The following TENM3 variants were observed in gnomAD, a reference collection of about 807,000 sequenced individuals.
TENM3 encodes the protein teneurin transmembrane protein 3, also known as teneurin-3.
In TENM3, 63 loss-of-function variants were observed where a neutral mutation model predicts 255.1. The ratio of observed to expected loss-of-function variants is 0.25; its 90% CI spans 0.20 to 0.30. The LOEUF is 0.30. Among genes scored for constraint, TENM3 ranks in the 10% least tolerant of loss-of-function variants. TENM3 has a pLI of 1.00. For missense variants in TENM3, 2,929 were observed against 3,461.1 expected, an observed-to-expected ratio of 0.85 and a Z score of 3.86; for synonymous variants, 1,306 against 1,322.3, an observed-to-expected ratio of 0.99 and a Z score of 0.27.
chr4:182,590,925 C>G (rs1746582372), intron 3 of TENM3, among the ~76,000 whole-genome samples: 1 of 152,046 alleles, frequency 6.6e-6, no homozygotes, highest in African/African-American at 2.4e-5. Context: ...GAAAGCTATG[C>G]CAGCTTACCT....
chr4:182,112,127 C>T, the TENM3 span, among the ~76,000 whole-genome samples: 1 of 152,114 alleles, frequency 6.6e-6, no homozygotes, highest in African/African-American at 2.4e-5. Flanking sequence ...TGTACTCCAG[C>T]CTGGGTGACA....
At chr4:181,711,731 C>A in the TENM3 span, among the ~76,000 whole-genome samples, 1 of 152,170 alleles carries the variant, frequency 6.6e-6, no homozygotes, top group Non-Finnish European at 1.5e-5. Flanking sequence ...TTTGTGAGCA[C>A]AGACCTTGAA....
At chr4:182,400,761 T>C (rs1045796113) in intron 3 of TENM3, among the ~76,000 whole-genome samples, 1 of 152,220 alleles carries the variant, frequency 6.6e-6, no homozygotes, top group African/African-American at 2.4e-5. Flanking sequence ...TTATTCTCAC[T>C]AGTGTTATTT....
chr4:182,587,945 G>T (rs1746212592), intron 3 of TENM3, among the ~76,000 whole-genome samples: 1 of 151,924 alleles, frequency 6.6e-6, no homozygotes, highest in Non-Finnish European at 1.5e-5. Context: ...GTATGGTAGG[G>T]TATTTTATGA....
chr4:182,261,600 CAAT>C (rs1177891338), intron 1 of TENM3, among the ~76,000 whole-genome samples: 5 of 152,150 alleles, frequency 3.3e-5, no homozygotes, highest in African/African-American at 1.2e-4. Flanking sequence ...ATAAGAAAAG[CAAT>C]AGAATACAAT....
chr4:182,052,879 C>T, the TENM3 span, among the ~76,000 whole-genome samples: 2 of 152,090 alleles, frequency 1.3e-5, no homozygotes, highest in African/African-American at 4.8e-5. Flanking sequence ...TAAAAGGTGT[C>T]CTAAAAATCT....
intron 4 of TENM3, among the ~76,000 whole-genome samples, chr4:182,606,913 T>C (rs1312894699): frequency 6.6e-6 from 1 of 152,202 alleles, no homozygotes; most frequent in African/African-American, 2.4e-5. Flanking sequence ...CTGGTGGATA[T>C]AGTAGGGATA....
chr4:182,009,307 T>G, the TENM3 span, among the ~76,000 whole-genome samples: 1 of 152,142 alleles, frequency 6.6e-6, no homozygotes. Flanking sequence ...TTATCAAGGC[T>G]GCCCAGATTC....
At chr4:182,483,885 G>A (rs1288941723) in intron 3 of TENM3, among the ~76,000 whole-genome samples, 7 of 151,958 alleles carry the variant, frequency 4.6e-5, no homozygotes, top group Non-Finnish European at 8.8e-5. Flanking sequence ...ACCAGATCTC[G>A]CGAGAACTCA....
chr4:181,697,479 C>T, the TENM3 span, among the ~76,000 whole-genome samples: 5 of 152,098 alleles, frequency 3.3e-5, no homozygotes, highest in Non-Finnish European at 5.9e-5. Flanking sequence ...CTGCAACCTC[C>T]GCCTCTCAGG....
intron 1 of TENM3, among the ~76,000 whole-genome samples, chr4:182,154,586 T>C (rs190212919): frequency 1.3e-5 from 2 of 152,328 alleles, no homozygotes; most frequent in East Asian, 3.9e-4. Flanking sequence ...TGAAGAATGC[T>C]TTTCCATTTA....
the TENM3 span, among the ~76,000 whole-genome samples, chr4:182,016,449 C>T: frequency 1.3e-5 from 2 of 152,338 alleles, no homozygotes; most frequent in Middle Eastern, 6.8e-3. Flanking sequence ...TTTGCAACTG[C>T]TTTGAACCTA....
chr4:182,097,812 A>G, the TENM3 span, among the ~76,000 whole-genome samples: 1 of 152,260 alleles, frequency 6.6e-6, no homozygotes, highest in East Asian at 1.9e-4. Flanking sequence ...TCCGGCACCA[A>G]CTCATTGAAT....
chr4:182,538,579 G>A (rs1377702310), intron 3 of TENM3, among the ~76,000 whole-genome samples: 1 of 152,174 alleles, frequency 6.6e-6, no homozygotes, highest in Non-Finnish European at 1.5e-5. Context: ...TTAAGGACTT[G>A]GATCTTTGGC....
chr4:181,683,141 A>T, the TENM3 span, among the ~76,000 whole-genome samples: 1 of 152,162 alleles, frequency 6.6e-6, no homozygotes, highest in Admixed American at 6.5e-5. Context: ...ACATTGGAGA[A>T]TTAATAACAA....
the TENM3 span, among the ~76,000 whole-genome samples, chr4:181,526,339 C>T: frequency 6.6e-6 from 1 of 151,700 alleles, no homozygotes; most frequent in African/African-American, 2.4e-5. Flanking sequence ...TAAAATCTAC[C>T]AGCTTTGTAT....
At position 182,703,100 on chromosome 4, in the gene TENM3, T is replaced by A. The variant is rs561825752; in HGVS notation, c.2222-10987T>A. Among the ~76,000 whole-genome samples, 94 of 152,346 alleles carry A rather than the reference T, an allele frequency of 6.2e-4. 1 individual carries two copies. The highest frequency in any genetic ancestry group is 2.1e-3 in the African/African-American group (88 of 41,584). ...TCCTGAATTATTTTTCAATTGTTCT[T>A]GTGTGTATGTGTATAGTGGAATAGA... On this transcript the variant is annotated intron_variant, in intron 12 of 27. Coordinates refer to ENST00000511685, the MANE Select transcript of TENM3 (RefSeq NM_001080477.4).
chr4:181,464,861 G>A, the TENM3 span, among the ~76,000 whole-genome samples: 6 of 152,100 alleles, frequency 3.9e-5, no homozygotes, highest in Admixed American at 6.5e-5. Flanking sequence ...TGAGGCAGGA[G>A]AATGACTTGA....
chr4:182,145,358 G>A (rs1437787726), intron 1 of TENM3: 5 of 152,342 alleles, frequency 3.3e-5, no homozygotes, highest in African/African-American at 1.2e-4. Flanking sequence ...TCTGGATGGG[G>A]TTGGAAACAC....
Sources: gnomAD v4.1 joint callset for allele counts (sites outside exome capture counted in the v4.1 genomes callset) on GRCh38, gnomAD v4.1.1 for gene constraint, MANE v1.5 for transcripts, NCBI Gene and HGNC (gene_info 2026-07-23, HGNC 2026-07-21) for gene names.